The following CYRIA variants were observed in gnomAD, a reference collection of about 807,000 sequenced individuals.
The protein encoded by CYRIA is CYFIP related Rac1 interactor A.
A neutral mutation model predicts 43.9 loss-of-function variants in CYRIA; 15 were observed. The ratio of observed to expected loss-of-function variants is 0.34; its 90% confidence interval spans 0.23 to 0.53. The LOEUF is 0.53. Among genes scored for constraint, CYRIA ranks in the 20% least tolerant of loss-of-function variants. The probability of loss-of-function intolerance (pLI) is 0.94; values close to 1 mark genes in which losing one functional copy is unlikely to be tolerated. For missense variants in CYRIA, 236 were observed against 394.2 expected, an observed-to-expected ratio of 0.60 and a Z score of 3.40; for synonymous variants, 117 against 136.0, an observed-to-expected ratio of 0.86 and a Z score of 0.97.
chr2:16,607,321 T>TGGGGGGGGGGGGGGGGGGGGGGG (rs1483489399), intron 2 of CYRIA, among the ~76,000 whole-genome samples: 1 of 36,112 alleles, frequency 2.8e-5, no homozygotes, highest in African/African-American at 1.1e-4. Context: ...GAGGGGCGGG[T>TGGGGGGGGGGGGGGGGGGGGGGG]GGGGGGTGCT....
At chr2:16,560,945 G>C in intron 9 of CYRIA, 45 bp downstream of exon 9, 2 of 1,504,342 alleles carry the variant, frequency 1.3e-6, no homozygotes, top group South Asian at 2.3e-5. Context: ...ACAGACACTG[G>C]CTGGGTGAAG....
At chr2:16,635,500 G>A (rs971942) in intron 1 of CYRIA, among the ~76,000 whole-genome samples, 33,843 of 152,132 alleles carry the variant, frequency 0.22, 6,568 homozygotes, top group East Asian at 0.61. Flanking sequence ...AATCATTTGC[G>A]GGAAAAGTAA....
intron 2 of CYRIA, among the ~76,000 whole-genome samples, chr2:16,602,992 T>A (rs1668261378): frequency 6.6e-6 from 1 of 152,194 alleles, no homozygotes; most frequent in East Asian, 1.9e-4. Flanking sequence ...CAACTTGATC[T>A]TCCTGACACC....
At chr2:16,564,613 G>A (rs1044300937) in intron 4 of CYRIA, among the ~76,000 whole-genome samples, 1 of 152,078 alleles carries the variant, frequency 6.6e-6, no homozygotes, top group Non-Finnish European at 1.5e-5. Context: ...GATTATGACG[G>A]TGGTGGTGTT....
chr2:16,623,689 C>T (rs573756158), intron 2 of CYRIA, among the ~76,000 whole-genome samples, 175 bp downstream of exon 2: 7 of 152,204 alleles, frequency 4.6e-5, no homozygotes, highest in Non-Finnish European at 1.0e-4. Context: ...CCCTCAAAAG[C>T]CTCAAGATAG....
At chr2:16,566,358 T>C (rs543613659) in intron 3 of CYRIA, among the ~76,000 whole-genome samples, 37 of 152,320 alleles carry the variant, frequency 2.4e-4, no homozygotes, top group African/African-American at 7.7e-4. Flanking sequence ...TCTGCTTTGA[T>C]TGAAAATCTG....
intron 1 of CYRIA, among the ~76,000 whole-genome samples, chr2:16,624,844 G>T (rs1385920072): frequency 6.6e-6 from 1 of 152,066 alleles, no homozygotes; most frequent in Non-Finnish European, 1.5e-5. Flanking sequence ...TTATTAATTT[G>T]TCCTCAAAAA....
chr2:16,636,081 C>T (rs1050292171), intron 1 of CYRIA, among the ~76,000 whole-genome samples: 4 of 152,112 alleles, frequency 2.6e-5, no homozygotes, highest in Admixed American at 2.6e-4. Flanking sequence ...TCTACTGTCC[C>T]TCAGCCTCTG....
chr2:16,581,216 A>G (rs1667537923), intron 3 of CYRIA, among the ~76,000 whole-genome samples: 1 of 152,244 alleles, frequency 6.6e-6, no homozygotes, highest in African/African-American at 2.4e-5. Flanking sequence ...ACACATGTAT[A>G]CAAAGTACAA....
chr2:16,564,649 C>G (rs1223772469), intron 4 of CYRIA, among the ~76,000 whole-genome samples: 4 of 151,820 alleles, frequency 2.6e-5, no homozygotes, highest in African/African-American at 9.7e-5. Flanking sequence ...GGAGCAGTGG[C>G]AGTACTGTGT....
chr2:16,568,218 T>C lies in CYRIA; in HGVS notation c.71-2451A>G, dbSNP rs1433855821. Among the ~76,000 whole-genome samples the C allele has an allele frequency of 2.5e-5, 3 of 117,728 alleles. No homozygotes were observed. The South Asian group carries it at 8.8e-4, about 35-fold the overall frequency. 77.2% of individuals were successfully genotyped at this position (117,728 alleles called of 152,430 possible). A position where few individuals can be genotyped will look rare whatever the true frequency, so the allele number is the denominator to read the frequency against. On this transcript the variant is annotated intron_variant, in intron 3 of 11. Coordinates refer to ENST00000381323, the MANE Select transcript of CYRIA (RefSeq NM_030797.4). ...AGCTGGTAAGTATAATGCAACTATT[T>C]CAAAATCAGAAAAAAAAAAAAAAAA...
At chr2:16,629,687 G>C (rs988587631) in intron 1 of CYRIA, among the ~76,000 whole-genome samples, 5 of 152,222 alleles carry the variant, frequency 3.3e-5, no homozygotes, top group African/African-American at 1.2e-4. Context: ...AAAAGGAATA[G>C]AGATATTTTT....
intron 1 of CYRIA, among the ~76,000 whole-genome samples, chr2:16,648,994 G>T (rs1669893649): frequency 6.6e-6 from 1 of 151,448 alleles, no homozygotes; most frequent in South Asian, 2.1e-4. Flanking sequence ...AATTGTAAAA[G>T]ATTTTATAGT....
chr2:16,633,234 C>G (rs897749750), intron 1 of CYRIA, among the ~76,000 whole-genome samples: 1 of 152,154 alleles, frequency 6.6e-6, no homozygotes, highest in East Asian at 1.9e-4. Flanking sequence ...TTTCACCCCC[C>G]ACCCTGTCTA....
In CYRIA at chr2:16,597,227, T is replaced by C. The variant is rs1430815107; in HGVS notation, c.-10-9098A>G. Among the ~76,000 whole-genome samples the C allele has an allele frequency of 3.0e-5, 3 of 100,204 alleles. 1 individual carries two copies. The highest frequency in any genetic ancestry group is 5.7e-5 in the Non-Finnish European group (3 of 52,500). The allele number at this position is 100,204 out of a possible 152,430, so 65.7% of individuals were successfully genotyped here. ...ATTCTGTTGATTTGGGGTTGAGAGTTCTGTAGATGTCTATTAGGTCTGCTT... is the reference window on the plus strand; with the variant it reads ...ATTCTGTTGATTTGGGGTTGAGAGTCCTGTAGATGTCTATTAGGTCTGCTT... On this transcript the variant is annotated intron_variant, in intron 2 of 11. Coordinates refer to ENST00000381323, the MANE Select transcript of CYRIA (RefSeq NM_030797.4).
chr2:16,590,053 T>C (rs1667867462), intron 2 of CYRIA, among the ~76,000 whole-genome samples: 1 of 147,688 alleles, frequency 6.8e-6, no homozygotes. Context: ...TGTAGGAATA[T>C]ATTTGGGCAT....
chr2:16,574,894 G>A (rs1239759817), intron 3 of CYRIA, among the ~76,000 whole-genome samples: 2 of 152,178 alleles, frequency 1.3e-5, no homozygotes, highest in African/African-American at 4.8e-5. Flanking sequence ...CCCCACTGGG[G>A]TGCTGCCTAG....
intron 1 of CYRIA, among the ~76,000 whole-genome samples, chr2:16,644,203 C>A (rs895034429): frequency 1.3e-5 from 2 of 152,188 alleles, no homozygotes; most frequent in Non-Finnish European, 2.9e-5. Context: ...ACAGCTAGTG[C>A]AGTATTGGAT....
chr2:16,659,494 C>T (rs1395384248), intron 1 of CYRIA, among the ~76,000 whole-genome samples: 3 of 152,226 alleles, frequency 2.0e-5, no homozygotes, highest in Non-Finnish European at 4.4e-5. Flanking sequence ...AGTAGGAACA[C>T]AAGACTCAGG....
Sources: allele counts gnomAD v4.1 joint callset (sites outside exome capture counted in the v4.1 genomes callset), GRCh38; gene constraint gnomAD v4.1.1; transcripts MANE v1.5; gene names NCBI Gene and HGNC (gene_info 2026-07-23, HGNC 2026-07-21).